MYO3B: variants seen among roughly 807,000 people sequenced by gnomAD.
MYO3B encodes myosin IIIB.
MYO3B carries 156 observed loss-of-function variants against 174.6 expected under a neutral mutation model. That is an observed-to-expected ratio of 0.89 (90% CI 0.78 to 1.02). The LOEUF (loss-of-function observed/expected upper bound fraction) is 1.02. Among genes scored for constraint, MYO3B ranks in the 50% least tolerant of loss-of-function variants. The probability of loss-of-function intolerance (pLI) is 0.00; values close to 1 mark genes in which losing one functional copy is unlikely to be tolerated. For synonymous variants in MYO3B, 563 were observed against 569.1 expected (o/e 0.99, Z 0.15); for missense variants, 1,632 against 1,639.4 (o/e 1.00, Z 0.08).
At chr2:170,509,620 G>A (rs1261080345) in intron 28 of MYO3B, among the ~76,000 whole-genome samples, 1 of 152,120 alleles carries the variant, frequency 6.6e-6, no homozygotes, top group Non-Finnish European at 1.5e-5. Flanking sequence ...TGATTCATTT[G>A]TGTATATAAA....
Position 170,437,948 on chromosome 2 carries a change from T to A in MYO3B, c.2651-6019T>A, listed in dbSNP as rs1391753614. On this transcript the variant is annotated intron_variant, in intron 22 of 34. Transcript: ENST00000408978. ...TTTTTCTTGTTGTTGCAGTAAAAAATATATATAACATGAAATCTCTCTTTT... is the reference window on the plus strand; with the variant it reads ...TTTTTCTTGTTGTTGCAGTAAAAAAAATATATAACATGAAATCTCTCTTTT... Among the ~76,000 whole-genome samples the A allele has an allele frequency of 2.0e-5, 3 of 146,370 alleles. No individual in the cohort carries two copies. In the East Asian group the frequency reaches 5.8e-4, roughly 28 times the overall value.
chr2:170,573,657 G>A (rs765485574), intron 32 of MYO3B, among the ~76,000 whole-genome samples: 12 of 152,090 alleles, frequency 7.9e-5, no homozygotes, highest in Non-Finnish European at 1.2e-4. Flanking sequence ...TAAGGGGAGG[G>A]AATGACTTTC....
intron 8 of MYO3B, among the ~76,000 whole-genome samples, chr2:170,368,705 A>G (rs1482266840): frequency 6.6e-6 from 1 of 152,162 alleles, no homozygotes; most frequent in South Asian, 2.1e-4. Flanking sequence ...GACATTAGAA[A>G]TCAAGCGCCA....
chr2:170,257,912 A>G (rs2093317501), intron 7 of MYO3B, among the ~76,000 whole-genome samples: 1 of 152,128 alleles, frequency 6.6e-6, no homozygotes, highest in South Asian at 2.1e-4. Flanking sequence ...CAGAAATACC[A>G]AAGGTCTTCA....
At chr2:170,187,079 A>G (rs13408273) in intron 1 of MYO3B, among the ~76,000 whole-genome samples, 60,129 of 150,764 alleles carry the variant, frequency 0.4, 12,325 homozygotes, top group African/African-American at 0.5. Flanking sequence ...AGGTTTGTCA[A>G]TTTTATTTAT....
chr2:170,635,637 T>A (rs1697400351), intron 32 of MYO3B, among the ~76,000 whole-genome samples: 1 of 152,092 alleles, frequency 6.6e-6, no homozygotes. Flanking sequence ...ATATTAACGA[T>A]CCTCACAGTG....
intron 30 of MYO3B, among the ~76,000 whole-genome samples, chr2:170,525,689 G>A (rs553532759): frequency 1.3e-3 from 191 of 152,304 alleles, no homozygotes; most frequent in Non-Finnish European, 2.3e-3. Context: ...GGGAAAACAA[G>A]TGCATATTTC....
intron 7 of MYO3B, among the ~76,000 whole-genome samples, chr2:170,287,150 C>T (rs1444152521): frequency 1.3e-5 from 2 of 152,154 alleles, no homozygotes; most frequent in Admixed American, 6.6e-5. Context: ...TAGCTTGATT[C>T]CATAGTTTGG....
chr2:170,405,146 T>C (rs927590946), intron 20 of MYO3B, among the ~76,000 whole-genome samples: 6 of 152,234 alleles, frequency 3.9e-5, no homozygotes, highest in Non-Finnish European at 7.3e-5. Flanking sequence ...GAAAATTGAT[T>C]TGTGGCAGAG....
intron 22 of MYO3B, among the ~76,000 whole-genome samples, chr2:170,434,494 CT>C (rs1448199749): frequency 6.6e-6 from 1 of 152,112 alleles, no homozygotes. Flanking sequence ...TGTCATTCCC[CT>C]ATTGGCTAGG....
chr2:170,569,055 A>C (rs1692251825), intron 32 of MYO3B, among the ~76,000 whole-genome samples: 1 of 152,164 alleles, frequency 6.6e-6, no homozygotes, highest in Non-Finnish European at 1.5e-5. Context: ...GGGGGAGAGA[A>C]AAACAAGCAA....
chr2:170,391,516 TCAGGAGAGA>T lies in MYO3B; in HGVS notation c.1578-3_1583del. ...ATTATTACTAAAGTCTCTTTTTTTT[TCAGGAGAGA>T]GAAAAATTTTCATATATTTTACTAT... On this transcript the variant is annotated splice_acceptor_variant and splice_polypyrimidine_tract_variant and coding_sequence_variant and intron_variant, in exon 15 of 35. Transcript: ENST00000408978. LOFTEE classifies it high-confidence loss of function. The T allele has an allele frequency of 7.2e-7, 1 of 1,383,614 alleles. No individual in the cohort carries two copies. Among genetic ancestry groups the T allele is most frequent in the Non-Finnish European group, 9.8e-7 (1 of 1,017,206 alleles). 85.7% of individuals were successfully genotyped at this position (1,383,614 alleles called of 1,614,324 possible).
intron 7 of MYO3B, among the ~76,000 whole-genome samples, chr2:170,286,388 G>C (rs537455824): frequency 6.6e-6 from 1 of 152,140 alleles, no homozygotes; most frequent in Non-Finnish European, 1.5e-5. Context: ...GGTCTTGCTT[G>C]CTGGGAGTAC....
intron 29 of MYO3B, among the ~76,000 whole-genome samples, chr2:170,519,236 C>T (rs1448227051): frequency 6.6e-6 from 1 of 152,030 alleles, no homozygotes; most frequent in East Asian, 1.9e-4. Context: ...AAACAGTTTG[C>T]TGACTGAGAC....
chr2:170,178,279 A>G lies in MYO3B; in HGVS notation c.-9A>G. Reference sequence around the variant, plus strand: ...CTCTCATAAGCCGGATTCAGAAAATAGGTCATCGATGTGAGTTGCAGTTAT... The same window carrying G: ...CTCTCATAAGCCGGATTCAGAAAATGGGTCATCGATGTGAGTTGCAGTTAT... On this transcript the variant is annotated 5_prime_UTR_variant, in exon 1 of 35. In the 5' UTR this introduces an upstream ATG that the reference lacks. Transcript: ENST00000408978. The G allele has an allele frequency of 6.2e-7, 1 of 1,614,136 alleles. No individual in the cohort carries two copies. Among genetic ancestry groups the G allele is most frequent in the Non-Finnish European group, 8.5e-7 (1 of 1,179,968 alleles).
chr2:170,273,945 A>G (rs2093444073), intron 7 of MYO3B, among the ~76,000 whole-genome samples: 1 of 152,158 alleles, frequency 6.6e-6, no homozygotes, highest in East Asian at 1.9e-4. Context: ...AGCTGGGCCA[A>G]TCAGATTTCC....
chr2:170,494,743 A>G (rs1174966641), intron 25 of MYO3B, among the ~76,000 whole-genome samples: 4 of 151,292 alleles, frequency 2.6e-5, no homozygotes, highest in South Asian at 2.1e-4. Flanking sequence ...AAAAAAAAAA[A>G]AAAAAGAAGA....
At chr2:170,638,334 C>T (rs1460561067) in intron 32 of MYO3B, among the ~76,000 whole-genome samples, 6 of 152,288 alleles carry the variant, frequency 3.9e-5, no homozygotes, top group African/African-American at 1.4e-4. Context: ...CCATCAGTAA[C>T]CAAATGACCC....
intron 5 of MYO3B, among the ~76,000 whole-genome samples, chr2:170,215,305 A>C (rs964455844): frequency 6.6e-6 from 1 of 152,198 alleles, no homozygotes; most frequent in African/African-American, 2.4e-5. Context: ...CTGCTGCTAC[A>C]TGTGAGGCTG....
Sources: gnomAD v4.1 joint callset for allele counts (sites outside exome capture counted in the v4.1 genomes callset) on GRCh38, gnomAD v4.1.1 for gene constraint, MANE v1.5 for transcripts, NCBI Gene and HGNC (gene_info 2026-07-23, HGNC 2026-07-21) for gene names.